The following OR2H1 variants were observed in gnomAD, a reference collection of about 807,000 sequenced individuals.
OR2H1 encodes olfactory receptor 2H1.
For missense variants in OR2H1, 380 were observed against 367.3 expected, an observed-to-expected ratio of 1.03 and a Z score of -0.28; for synonymous variants, 155 against 155.2, an observed-to-expected ratio of 1.00 and a Z score of 0.01.
chr6:29,458,024 C>T (rs1446433584), intron 1 of OR2H1, among the ~76,000 whole-genome samples: 1 of 152,206 alleles, frequency 6.6e-6, no homozygotes, highest in Non-Finnish European at 1.5e-5. Flanking sequence ...TGGGATTCCT[C>T]CCCCCATCAT....
intron 3 of OR2H1, chr6:29,461,221 G>A (rs1787208448): frequency 6.5e-6 from 1 of 153,316 alleles, no homozygotes; most frequent in Non-Finnish European, 1.5e-5. Context: ...CTCTGCCTCT[G>A]ATTGACACCT....
At position 29,462,483 on chromosome 6, in the gene OR2H1, CT is replaced by C. The variant is rs754610073; in HGVS notation, c.715del (p.Cys239AlafsTer52). 8.1e-4 allele frequency: 1,299 copies of C among 1,613,082 alleles called. 18 individuals are homozygous for C. The Admixed American group carries it at 0.02, about 24-fold the overall frequency. ...ATAWRKAFGTCSSHLTVVTLF... is the reference protein window; with the variant it reads ...ATAWRKAFGTXSSHLTVVTLF... ...CAGCATGGAGAAAGGCCTTTGGGAC[CT>C]GCTCCTCCCATCTCACTGTGGTCAC... On this transcript the variant is annotated frameshift_variant, in exon 4 of 4. Transcript: ENST00000377133. LOFTEE classifies it low-confidence loss of function (END_TRUNC).
At chr6:29,459,009 A>C (rs754744423) in intron 2 of OR2H1, among the ~76,000 whole-genome samples, 4 of 152,088 alleles carry the variant, frequency 2.6e-5, no homozygotes, top group African/African-American at 9.7e-5. Context: ...AGAGAAAAGG[A>C]CCAGAAGAAA....
At chr6:29,459,489 G>A (rs1786956931) in intron 2 of OR2H1, among the ~76,000 whole-genome samples, 1 of 152,146 alleles carries the variant, frequency 6.6e-6, no homozygotes, top group South Asian at 2.1e-4. Context: ...CGTAATGATG[G>A]AGGAAGGAAT....
intron 2 of OR2H1, chr6:29,459,988 A>G (rs1787032950): frequency 6.6e-6 from 1 of 152,126 alleles, no homozygotes. Context: ...ACATGAGGCC[A>G]TACTCTTCTA....
In OR2H1 at chr6:29,461,983, A is replaced by C; in HGVS notation, c.214A>C (p.Thr72Pro). ...SDLSFLDLCF[T>P]TSCVPQMLVN... ...CCTCTCCTTCTTGGACCTCTGCTTTACCACAAGTTGTGTCCCCCAGATGCT... is the reference window on the plus strand; with the variant it reads ...CCTCTCCTTCTTGGACCTCTGCTTTCCCACAAGTTGTGTCCCCCAGATGCT... The change falls in exon 4 of 4, where the codon ACC becomes CCC. Residue 72 changes from threonine (T) to proline (P), a missense_variant. By Grantham distance (38) the Thr-to-Pro change is conservative. Transcript: ENST00000377133. The C allele has an allele frequency of 3.1e-6, 5 of 1,613,128 alleles. No homozygotes were observed. Among genetic ancestry groups the C allele is most frequent in the Non-Finnish European group, 4.2e-6 (5 of 1,180,000 alleles).
chr6:29,462,129 A>G lies in OR2H1; in HGVS notation c.360A>G (p.Arg120=), dbSNP rs1442525888. The G allele has an allele frequency of 6.2e-7, 1 of 1,613,408 alleles. No individual in the cohort carries two copies. The highest frequency in any genetic ancestry group is 8.5e-7 in the Non-Finnish European group (1 of 1,180,018). Reference sequence around the variant, plus strand: ...TCCTGACAGTGATGGCCTTTGACCGATACGTGGCTGTCTGCCAGCCCCTCC... The same window carrying G: ...TCCTGACAGTGATGGCCTTTGACCGGTACGTGGCTGTCTGCCAGCCCCTCC... The part of the protein sequence containing the change: ...CILLTVMAFD[R]YVAVCQPLHY... Residue 120 remains arginine, a synonymous_variant, in exon 4 of 4, where the codon CGA becomes CGG. Transcript: ENST00000377133.
chr6:29,463,598 C>A lies in OR2H1; in HGVS notation c.*878C>A. On this transcript the variant is annotated 3_prime_UTR_variant, in exon 4 of 4. Transcript: ENST00000377133. ...CCAAATCAGCTAGGCCATGGCCTTG[C>A]CTTGCTTCTCATGAGTGTGCTTGAC... 6.0e-6 allele frequency: 1 copy of A among 167,250 alleles called. No individual in the cohort carries two copies. The allele number at this position is 167,250 out of a possible 1,614,324, so 10.4% of individuals were successfully genotyped here.
chr6:29,458,866 A>G (rs1158737295), intron 2 of OR2H1, among the ~76,000 whole-genome samples: 2 of 152,226 alleles, frequency 1.3e-5, no homozygotes, highest in Non-Finnish European at 2.9e-5. Context: ...ACTGTAGGGC[A>G]GAATTTGTCT....
chr6:29,462,718 T>C lies in OR2H1; in HGVS notation c.949T>C (p.Ter317GlnextTer42), dbSNP rs1489681103. Reference protein sequence around the residue: ...RDSRESWRAA* With the variant: ...RDSRESWRAAQ ...CTCCAGGGAAAGCTGGAGAGCTGCT[T>C]AATATACTTTCGAAAGTAAGAAGAG... Residue 317 changes from the stop codon to glutamine, a stop_lost, in exon 4 of 4, where the codon TAA (stop) becomes CAA (glutamine). Transcript: ENST00000377133. 1 of 1,600,432 alleles carries C rather than the reference T, an allele frequency of 6.2e-7. No homozygotes were observed. Among genetic ancestry groups the C allele is most frequent in the South Asian group, 1.1e-5 (1 of 89,288 alleles).
intron 1 of OR2H1, among the ~76,000 whole-genome samples, chr6:29,457,863 C>T (rs1439038235): frequency 6.6e-6 from 1 of 152,098 alleles, no homozygotes; most frequent in Non-Finnish European, 1.5e-5. Context: ...TTTTATATGC[C>T]AAAGGGAACT....
Position 29,462,923 on chromosome 6 carries a change from A to G in OR2H1, c.*203A>G. Reference sequence around the variant, plus strand: ...GGAGATAGGTAGCTCCATAAGGCACACAAATTCAAATATTATCATTCCTAT... The same window carrying G: ...GGAGATAGGTAGCTCCATAAGGCACGCAAATTCAAATATTATCATTCCTAT... On this transcript the variant is annotated 3_prime_UTR_variant, in exon 4 of 4. Transcript: ENST00000377133. The G allele has an allele frequency of 1.7e-6, 1 of 581,836 alleles. No homozygotes were observed. Among genetic ancestry groups the G allele is most frequent in the Non-Finnish European group, 3.1e-6 (1 of 320,916 alleles). 36.0% of individuals were successfully genotyped at this position (581,836 alleles called of 1,614,324 possible).
intron 1 of OR2H1, 103 bp from the exon 2 acceptor site, chr6:29,458,351 G>A (rs923748156): frequency 3.3e-5 from 5 of 152,196 alleles, no homozygotes; most frequent in Non-Finnish European, 5.9e-5. Context: ...CCGTAAATAT[G>A]AAGCGCTTTT....
Position 29,462,110 on chromosome 6 carries a change from C to A in OR2H1, c.341C>A (p.Thr114Lys), listed in dbSNP as rs764159352. 1.9e-6 allele frequency: 3 copies of A among 1,613,720 alleles called. No individual in the cohort carries two copies. The Admixed American group carries it at 5.0e-5, about 27-fold the overall frequency. ...GGGACCACTGAGTGCATCCTCCTGA[C>A]AGTGATGGCCTTTGACCGATACGTG... ...SLGTTECILL[T>K]VMAFDRYVAV... is the part of the protein sequence containing the mutation. Residue 114 changes from threonine to lysine, a missense_variant, in exon 4 of 4, where the codon ACA becomes AAA. Coordinates refer to ENST00000377133, the MANE Select transcript of OR2H1 (RefSeq NM_030883.5).
rs371530505 is a variant in OR2H1 at position 29,462,659 on chromosome 6, G to A, written c.890G>A (p.Arg297Gln). Reference protein sequence around the residue: ...VYTLRNKEIKRALRRLLGKER... With the variant: ...VYTLRNKEIKQALRRLLGKER... ...ACCCTGAGGAACAAGGAGATAAAGC[G>A]AGCACTCAGGAGGTTACTAGGGAAG... Residue 297 changes from arginine to glutamine, a missense_variant, in exon 4 of 4, where the codon CGA (arginine) becomes CAA (glutamine). Coordinates refer to ENST00000377133, the MANE Select transcript of OR2H1 (RefSeq NM_030883.5). The A allele has an allele frequency of 6.0e-4, 960 of 1,613,044 alleles. 3 individuals carry two copies. Among genetic ancestry groups the A allele is most frequent in the Middle Eastern group, 1.8e-3 (11 of 6,062 alleles).
intron 2 of OR2H1, chr6:29,459,621 G>C (rs1031917653): frequency 6.6e-6 from 1 of 152,202 alleles, no homozygotes; most frequent in Admixed American, 6.5e-5. Context: ...CCAGGGCACT[G>C]TCTGCCAATG....
chr6:29,462,050 G>T lies in OR2H1; in HGVS notation c.281G>T (p.Gly94Val), dbSNP rs777238942. The T allele has an allele frequency of 6.2e-7, 1 of 1,613,492 alleles. No individual in the cohort carries two copies. The highest frequency in any genetic ancestry group is 1.7e-5 in the Admixed American group (1 of 60,008). Residue 94 changes from glycine to valine, a missense_variant, in exon 4 of 4, where the codon GGA becomes GTA. Physicochemically the swap from Gly to Val is moderately radical, Grantham distance 109. Coordinates refer to ENST00000377133, the MANE Select transcript of OR2H1 (RefSeq NM_030883.5). ...CCAAAGAAGACCATCAGCTTCCTGG[G>T]ATGCTCTGTCCAGCTCTTCATCTTC... ...WGPKKTISFL[G>V]CSVQLFIFLS...
Position 29,461,949 on chromosome 6 carries a change from C to T in OR2H1, c.180C>T (p.Phe60=). ...YPRLHSPMYF[F]LSDLSFLDLC... is the part of the protein sequence containing the mutation. ...GGCTCCACTCTCCAATGTACTTTTT[C>T]CTCTCTGACCTCTCCTTCTTGGACC... is the stretch of plus-strand genomic sequence containing the variant. The change falls in exon 4 of 4, where the codon TTC becomes TTT. Residue 60 remains phenylalanine, a synonymous_variant. Coordinates refer to ENST00000377133, the MANE Select transcript of OR2H1 (RefSeq NM_030883.5). 3 of 1,613,066 alleles carry T rather than the reference C, an allele frequency of 1.9e-6. No homozygotes were observed. Among genetic ancestry groups the T allele is most frequent in the Non-Finnish European group, 2.5e-6 (3 of 1,180,010 alleles).
chr6:29,458,127 G>A (rs1010623177), intron 1 of OR2H1, among the ~76,000 whole-genome samples: 9 of 152,212 alleles, frequency 5.9e-5, no homozygotes, highest in African/African-American at 2.2e-4. Flanking sequence ...GAGTTCCATA[G>A]TAAAGCGCTA....
Sources: allele counts gnomAD v4.1 joint callset (sites outside exome capture counted in the v4.1 genomes callset), GRCh38; gene constraint gnomAD v4.1.1; transcripts MANE v1.5; gene names NCBI Gene and HGNC (gene_info 2026-07-23, HGNC 2026-07-21).